EBF3: variants seen among roughly 807,000 people sequenced by gnomAD.
EBF3 encodes the protein EBF transcription factor 3, also known as transcription factor COE3.
A neutral mutation model predicts 77.1 loss-of-function variants in EBF3; 18 were observed. The ratio of observed to expected loss-of-function variants is 0.23; its 90% CI spans 0.16 to 0.35. The LOEUF (loss-of-function observed/expected upper bound fraction) is 0.35, where lower values mean the gene tolerates loss of function less well. Ranked by LOEUF, EBF3 falls within the 10% of genes least tolerant of loss-of-function variation. The probability of loss-of-function intolerance (pLI) is 1.00; values close to 1 mark genes in which losing one functional copy is unlikely to be tolerated. For synonymous variants in EBF3, 350 were observed against 343.5 expected, an observed-to-expected ratio of 1.02 and a Z score of -0.21; for missense variants, 558 against 860.0, an observed-to-expected ratio of 0.65 and a Z score of 4.39.
chr10:129,900,177 G>C (rs1023232232), intron 6 of EBF3, among the ~76,000 whole-genome samples: 1 of 152,162 alleles, frequency 6.6e-6, no homozygotes, highest in African/African-American at 2.4e-5. Context: ...CACCTTGAAA[G>C]AGTCATCATA....
intron 16 of EBF3, 29 bp from the exon 17 acceptor site, chr10:129,837,989 T>TG (rs756535639): frequency 2.4e-5 from 39 of 1,613,874 alleles, no homozygotes; most frequent in Non-Finnish European, 3.2e-5. Context: ...GAGCAGTTAC[T>TG]GCAGGCTCCC....
At chr10:129,876,574 CACT>C (rs1358622009) in intron 7 of EBF3, among the ~76,000 whole-genome samples, 1 of 152,338 alleles carries the variant, frequency 6.6e-6, no homozygotes, top group East Asian at 1.9e-4. Flanking sequence ...TCACGTGATT[CACT>C]AAAGGACTGA....
chr10:129,912,847 A>G (rs1226350761), intron 6 of EBF3, among the ~76,000 whole-genome samples: 1 of 152,256 alleles, frequency 6.6e-6, no homozygotes, highest in Non-Finnish European at 1.5e-5. Flanking sequence ...TACTGGGTCT[A>G]ATCCCCCTGA....
chr10:129,943,532 G>A lies in EBF3; in HGVS notation c.554+13726C>T, dbSNP rs1233467815. Among the ~76,000 whole-genome samples, 1 of 152,040 alleles carries A rather than the reference G, an allele frequency of 6.6e-6. No individual in the cohort carries two copies. The highest frequency in any genetic ancestry group is 1.5e-5 in the Non-Finnish European group (1 of 68,020). ...TGGATAATTTCTTTCAGCTGGACCTGGCCTCCAGCGCACTTGGATGCTAGG... is the reference window on the plus strand; with the variant it reads ...TGGATAATTTCTTTCAGCTGGACCTAGCCTCCAGCGCACTTGGATGCTAGG... On this transcript the variant is annotated intron_variant, in intron 6 of 16. Transcript: ENST00000440978. The surrounding 1 kb of genome is among the most constrained non-coding windows in gnomAD (Gnocchi z 8.8).
intron 6 of EBF3, among the ~76,000 whole-genome samples, chr10:129,929,560 T>C (rs1856873689): frequency 6.6e-6 from 1 of 152,176 alleles, no homozygotes; most frequent in Non-Finnish European, 1.5e-5. Context: ...ACACTGCTGA[T>C]AGATATTAAG....
At chr10:129,843,086 G>C (rs367622835) in intron 12 of EBF3, 51 bp downstream of exon 12, 2 of 1,547,196 alleles carry the variant, frequency 1.3e-6, no homozygotes, top group African/African-American at 1.4e-5. Context: ...GGCTGCCCAC[G>C]GGTTCTGGCA....
rs1247427881 is a variant in EBF3, at chr10:129,947,117, C to T, written c.554+10141G>A. Among the ~76,000 whole-genome samples the T allele has an allele frequency of 2.0e-5, 3 of 152,186 alleles. No individual in the cohort carries two copies. The highest frequency in any genetic ancestry group is 4.4e-5 in the Non-Finnish European group (3 of 68,040). On this transcript the variant is annotated intron_variant, in intron 6 of 16. Coordinates refer to ENST00000440978, the MANE Select transcript of EBF3 (RefSeq NM_001375380.1). The surrounding 1 kb of genome is among the most constrained non-coding windows in gnomAD (Gnocchi z 4.5). Reference sequence around the variant, plus strand: ...ATCTTCCTCGTGTCAGGGGACGAGCCGCTTCATTGAGAAAATGGAAATGGA... The same window carrying T: ...ATCTTCCTCGTGTCAGGGGACGAGCTGCTTCATTGAGAAAATGGAAATGGA...
chr10:129,930,460 T>C (rs947504254), intron 6 of EBF3, among the ~76,000 whole-genome samples: 2 of 151,014 alleles, frequency 1.3e-5, no homozygotes, highest in African/African-American at 4.9e-5. Flanking sequence ...TATCTGTCTA[T>C]GTCTATCTCT....
At chr10:129,881,512 C>T (rs1475510135) in intron 6 of EBF3, among the ~76,000 whole-genome samples, 1 of 152,182 alleles carries the variant, frequency 6.6e-6, no homozygotes, top group Admixed American at 6.5e-5. Flanking sequence ...CCATTCCACT[C>T]GGAAACAGCC....
chr10:129,854,063 C>G (rs1426197083), intron 10 of EBF3, among the ~76,000 whole-genome samples: 1 of 148,726 alleles, frequency 6.7e-6, no homozygotes, highest in East Asian at 2.1e-4. Flanking sequence ...ATTTAGCTCC[C>G]CCCTGAATAC....
chr10:129,843,518 C>T (rs190280340), intron 11 of EBF3: 15 of 322,764 alleles, frequency 4.6e-5, no homozygotes, highest in Admixed American at 8.5e-5. Context: ...GGTTTAATGA[C>T]GGAGTCTTAT....
At chr10:129,838,019 C>G (rs567269127) in intron 16 of EBF3, 59 bp from the exon 17 acceptor site, 10 of 1,606,630 alleles carry the variant, frequency 6.2e-6, no homozygotes, top group Non-Finnish European at 8.5e-7. Context: ...CTCCCGCCAA[C>G]GCTGACGCGG....
rs563520113 is a variant in EBF3, at chr10:129,903,645, G to A, written c.555-25796C>T. Among the ~76,000 whole-genome samples, 172 of 152,280 alleles carry A rather than the reference G, an allele frequency of 1.1e-3. 2 individuals carry two copies. Among genetic ancestry groups the A allele is most frequent in the Admixed American group, 1.0e-2 (153 of 15,308 alleles). ...CCTAATGGTCCTTCTCGTGGATAAA[G>A]ATCCACAGAATCAGGAGTGGGGACA... is the stretch of plus-strand genomic sequence containing the variant. On this transcript the variant is annotated intron_variant, in intron 6 of 16. Coordinates refer to ENST00000440978, the MANE Select transcript of EBF3 (RefSeq NM_001375380.1).
intron 6 of EBF3, among the ~76,000 whole-genome samples, chr10:129,884,725 G>A (rs187033396): frequency 2.7e-4 from 41 of 152,306 alleles, no homozygotes; most frequent in Non-Finnish European, 3.4e-4. Flanking sequence ...TGGCCTGCAC[G>A]TGCATGCTCC....
At chr10:129,924,284 A>G (rs540086155) in intron 6 of EBF3, among the ~76,000 whole-genome samples, 11 of 152,228 alleles carry the variant, frequency 7.2e-5, no homozygotes, top group Non-Finnish European at 1.6e-4. Context: ...GCGTGATGGT[A>G]CGTACCTGTA....
intron 6 of EBF3, among the ~76,000 whole-genome samples, chr10:129,893,097 C>A (rs1002311410): frequency 1.3e-5 from 2 of 152,216 alleles, no homozygotes; most frequent in African/African-American, 4.8e-5. Flanking sequence ...GATTGTGATT[C>A]ACTCCTGAAA....
intron 9 of EBF3, 46 bp from the exon 10 acceptor site, chr10:129,867,313 G>C (rs200396875): frequency 6.2e-7 from 1 of 1,609,254 alleles, no homozygotes; most frequent in Admixed American, 1.7e-5. Flanking sequence ...CGCTGGCTAT[G>C]AGAGGCGGAC....
intron 6 of EBF3, among the ~76,000 whole-genome samples, chr10:129,903,705 G>C (rs878867622): frequency 6.6e-6 from 1 of 152,182 alleles, no homozygotes; most frequent in Non-Finnish European, 1.5e-5. Context: ...TTTTTGATGA[G>C]AGTAAAATCC....
intron 6 of EBF3, among the ~76,000 whole-genome samples, chr10:129,882,636 TTGTAA>T (rs1171771349): frequency 6.6e-6 from 1 of 152,256 alleles, no homozygotes; most frequent in Non-Finnish European, 1.5e-5. Context: ...CCTCTGTGTA[TTGTAA>T]TGTGTGAAAT....
Sources: gnomAD v4.1 joint callset for allele counts (sites outside exome capture counted in the v4.1 genomes callset) on GRCh38, gnomAD v4.1.1 for gene constraint, Gnocchi (gnomAD v3.1) non-coding constraint, MANE v1.5 for transcripts, NCBI Gene and HGNC (gene_info 2026-07-23, HGNC 2026-07-21) for gene names.